The following CCNY variants were observed in gnomAD, a reference collection of about 807,000 sequenced individuals.
CCNY encodes the protein cyclin Y, also known as cyclin-Y.
Under a neutral mutation model 42.8 loss-of-function variants are expected in CCNY, and 19 were observed. The ratio of observed to expected loss-of-function variants is 0.44; its 90% CI spans 0.31 to 0.65. CCNY has a LOEUF of 0.65. CCNY is among the 30% of genes least tolerant of loss of function. The probability of loss-of-function intolerance (pLI) is 0.07; values close to 1 mark genes in which losing one functional copy is unlikely to be tolerated. For synonymous variants in CCNY, 165 were observed against 162.7 expected (o/e 1.01, Z -0.11); for missense variants, 370 against 437.3 (o/e 0.85, Z 1.37).
At chr10:35,280,213 G>A (rs1220622234) in intron 3 of CCNY, among the ~76,000 whole-genome samples, 3 of 152,260 alleles carry the variant, frequency 2.0e-5, no homozygotes, top group African/African-American at 4.8e-5. Context: ...TTTAGTCCCA[G>A]CTACTCAGGA....
In CCNY at chr10:35,522,861, C is replaced by A. The variant is rs141379310; in HGVS notation, c.366-3103C>A. On this transcript the variant is annotated intron_variant, in intron 4 of 9. Coordinates refer to ENST00000374704, the MANE Select transcript of CCNY (RefSeq NM_145012.6). ...GAACATACCCTTAGACCCAGAGTCC[C>A]AGGACATGTTTGCCTTCACCGGTGA... 1.4e-4 allele frequency among the ~76,000 whole-genome samples: 21 copies of A among 152,288 alleles called. No homozygotes were observed. In the East Asian group the frequency reaches 4.0e-3, roughly 29 times the overall value.
chr10:35,278,085 A>G (rs1835258985), intron 3 of CCNY, among the ~76,000 whole-genome samples: 1 of 151,984 alleles, frequency 6.6e-6, no homozygotes, highest in Admixed American at 6.6e-5. Context: ...CTTTGGCAGG[A>G]GTGTCACCTG....
intron 1 of CCNY, among the ~76,000 whole-genome samples, chr10:35,422,722 G>C (rs1345494269): frequency 2.6e-5 from 4 of 151,976 alleles, no homozygotes; most frequent in Non-Finnish European, 1.5e-5. Flanking sequence ...TTATTTTTTT[G>C]TCATTTAAGA....
intron 1 of CCNY, among the ~76,000 whole-genome samples, chr10:35,412,860 C>CA (rs10558250): frequency 0.057 from 1,960 of 34,604 alleles, 235 homozygotes; most frequent in East Asian, 0.14. Flanking sequence ...GACTCTGTCT[C>CA]AAAAAAAAAA....
intron 1 of CCNY, among the ~76,000 whole-genome samples, chr10:35,373,846 AG>A (rs1836992557): frequency 1.3e-5 from 2 of 152,208 alleles, no homozygotes; most frequent in Non-Finnish European, 2.9e-5. Context: ...GGGAGTCAAA[AG>A]TTACACACAG....
At chr10:35,340,466 T>C (rs1836152082) in intron 1 of CCNY, among the ~76,000 whole-genome samples, 1 of 151,930 alleles carries the variant, frequency 6.6e-6, no homozygotes, top group Non-Finnish European at 1.5e-5. Context: ...AGTGTCCTTG[T>C]AGGGTTTTAC....
rs569138562 is a variant in CCNY at position 35,513,794 on chromosome 10, G to A, written c.265-2729G>A. 2.0e-5 allele frequency among the ~76,000 whole-genome samples: 3 copies of A among 152,310 alleles called. No homozygotes were observed. In the South Asian group the frequency reaches 6.2e-4, roughly 32 times the overall value. ...TGCTGTGTCATTTACTAGCAAAGAT[G>A]GGAACCTAAGTGGGAGGGTCTGTGT... On this transcript the variant is annotated intron_variant, in intron 3 of 9. Transcript: ENST00000374704.
intron 1 of CCNY, 129 bp downstream of exon 1, chr10:35,337,336 C>G: frequency 1.0e-6 from 1 of 1,002,986 alleles, no homozygotes; most frequent in Non-Finnish European, 1.3e-6. Context: ...GGGCTTCGCC[C>G]GCGCAGCCTA....
intron 1 of CCNY, among the ~76,000 whole-genome samples, chr10:35,447,962 C>A (rs970282873): frequency 1.3e-5 from 2 of 152,252 alleles, no homozygotes; most frequent in African/African-American, 4.8e-5. Flanking sequence ...CTTTGCCGTT[C>A]ATGGTGTAGC....
rs1840428846 is a variant in CCNY at position 35,516,509 on chromosome 10, CTGT to C, written c.265-9_265-7del. On this transcript the variant is annotated splice_polypyrimidine_tract_variant and intron_variant, in intron 3 of 9. Coordinates refer to ENST00000374704, the MANE Select transcript of CCNY (RefSeq NM_145012.6). ...CTGTGTAATTGCCTTAATCTTCTTG[CTGT>C]TGTTTTCTAGCATCCTCCAGGACAA... The C allele has an allele frequency of 6.3e-7, 1 of 1,581,826 alleles. No homozygotes were observed. Among genetic ancestry groups the C allele is most frequent in the Non-Finnish European group, 8.7e-7 (1 of 1,151,080 alleles).
intron 1 of CCNY, among the ~76,000 whole-genome samples, chr10:35,442,900 CCTA>C (rs1838704330): frequency 6.6e-6 from 1 of 152,300 alleles, no homozygotes; most frequent in South Asian, 2.1e-4. Context: ...GATGGTCTAA[CCTA>C]CTACACATGT....
chr10:35,323,491 G>A (rs1835844991), intron 3 of CCNY, among the ~76,000 whole-genome samples: 1 of 151,300 alleles, frequency 6.6e-6, no homozygotes, highest in African/African-American at 2.4e-5. Flanking sequence ...ACATAGACAA[G>A]TCTAAAAACA....
intron 3 of CCNY, among the ~76,000 whole-genome samples, chr10:35,274,687 G>A (rs1391566431): frequency 6.6e-6 from 1 of 152,152 alleles, no homozygotes; most frequent in East Asian, 1.9e-4. Context: ...CAGAAGGCAG[G>A]GAGCTAACGA....
At chr10:35,402,394 G>T (rs185175680) in intron 1 of CCNY, among the ~76,000 whole-genome samples, 1 of 152,268 alleles carries the variant, frequency 6.6e-6, no homozygotes, top group Non-Finnish European at 1.5e-5. Flanking sequence ...GTGTCCAAAG[G>T]GGTTCAGTGT....
chr10:35,308,009 G>T (rs1159039193), intron 3 of CCNY, among the ~76,000 whole-genome samples: 2 of 151,496 alleles, frequency 1.3e-5, no homozygotes, highest in Non-Finnish European at 2.9e-5. Context: ...TAGACACGGG[G>T]TTTCACGATG....
chr10:35,301,292 T>C (rs1045846432), intron 3 of CCNY, among the ~76,000 whole-genome samples: 3 of 152,208 alleles, frequency 2.0e-5, no homozygotes, highest in African/African-American at 7.2e-5. Context: ...TGTGTAGACA[T>C]GATGGAAGGT....
At chr10:35,567,394 G>A (rs975897583) in intron 9 of CCNY, among the ~76,000 whole-genome samples, 11 of 152,186 alleles carry the variant, frequency 7.2e-5, no homozygotes, top group Non-Finnish European at 1.5e-4. Context: ...GAAAGGGGAC[G>A]GGGTGGTAAT....
chr10:35,561,207 C>T (rs1027694989), intron 8 of CCNY, among the ~76,000 whole-genome samples: 1 of 152,180 alleles, frequency 6.6e-6, no homozygotes, highest in African/African-American at 2.4e-5. Flanking sequence ...TCCTAGAATC[C>T]TCTTTTTCAT....
At chr10:35,491,205 G>C (rs539049308) in intron 2 of CCNY, among the ~76,000 whole-genome samples, 1 of 152,196 alleles carries the variant, frequency 6.6e-6, no homozygotes, top group Non-Finnish European at 1.5e-5. Flanking sequence ...CCAGCTCTGC[G>C]TTAGGCCTTT....
Sources: gnomAD v4.1 joint callset for allele counts (sites outside exome capture counted in the v4.1 genomes callset) on GRCh38, gnomAD v4.1.1 for gene constraint, MANE v1.5 for transcripts, NCBI Gene and HGNC (gene_info 2026-07-23, HGNC 2026-07-21) for gene names.